The following MAP6 variants were observed in gnomAD, a reference collection of about 807,000 sequenced individuals.
MAP6 encodes microtubule associated protein 6, also known as microtubule-associated protein 6.
MAP6 carries 26 observed loss-of-function variants against 42.4 expected under a neutral mutation model. The ratio of observed to expected loss-of-function variants is 0.61; its 90% CI spans 0.45 to 0.85. The LOEUF is 0.85. Among genes scored for constraint, MAP6 ranks in the 40% least tolerant of loss-of-function variants. The pLI is 0.00. For missense variants in MAP6, 966 were observed against 1,099.0 expected, an observed-to-expected ratio of 0.88 and a Z score of 1.71; for synonymous variants, 418 against 443.8, an observed-to-expected ratio of 0.94 and a Z score of 0.73.
At position 75,588,043 on chromosome 11, in the gene MAP6, A is replaced by G; in HGVS notation, c.1458T>C (p.Gly486=). Residue 486 remains glycine (G), a synonymous_variant, in exon 4 of 4, where the codon GGT becomes GGC. Coordinates refer to ENST00000304771, the MANE Select transcript of MAP6 (RefSeq NM_033063.2). ...PMVQEPLKKQ[G]SVVPGPPKDL... ...CCTTTGGAGGCCCTGGGACCACAGA[A>G]CCTTGCTTCTTCAGAGGCTCTTGCA... 1 of 1,613,954 alleles carries G rather than the reference A, an allele frequency of 6.2e-7. No homozygotes were observed. The highest frequency in any genetic ancestry group is 8.5e-7 in the Non-Finnish European group (1 of 1,179,998).
intron 1 of MAP6, among the ~76,000 whole-genome samples, chr11:75,634,430 C>T (rs1421048035): frequency 1.3e-5 from 2 of 152,184 alleles, no homozygotes; most frequent in African/African-American, 4.8e-5. Flanking sequence ...GCATGTGCCA[C>T]CACATCCAGC....
chr11:75,668,670 GC>G lies in MAP6; in HGVS notation c.-302del. The G allele has an allele frequency of 4.1e-6, 1 of 242,664 alleles. No homozygotes were observed. Among genetic ancestry groups the G allele is most frequent in the Non-Finnish European group, 7.9e-6 (1 of 127,112 alleles). 15.0% of individuals were successfully genotyped at this position (242,664 alleles called of 1,614,324 possible). On this transcript the variant is annotated 5_prime_UTR_variant, in exon 1 of 4. Coordinates refer to ENST00000304771, the MANE Select transcript of MAP6 (RefSeq NM_033063.2). The stretch of plus-strand genomic sequence containing the variant: ...TCCCCGGCGAGGGTGTCTGGGACGC[GC>G]CCCTCCCTGCGGCTGCGGCGGCGCA...
intron 1 of MAP6, among the ~76,000 whole-genome samples, chr11:75,618,750 C>A (rs1055451400): frequency 6.6e-6 from 1 of 152,228 alleles, no homozygotes; most frequent in African/African-American, 2.4e-5. Context: ...CTGGTCCCTG[C>A]CCTGGCCAGA....
intron 1 of MAP6, among the ~76,000 whole-genome samples, chr11:75,627,068 A>C (rs1943209968): frequency 6.6e-6 from 1 of 152,252 alleles, no homozygotes; most frequent in East Asian, 1.9e-4. Flanking sequence ...TTTTTGGAGC[A>C]GAGCCAAACT....
Position 75,668,856 on chromosome 11 carries a change from GA to G in MAP6, c.-488del, listed in dbSNP as rs1944011226. On this transcript the variant is annotated 5_prime_UTR_variant, in exon 1 of 4. An upstream open reading frame in the 5' UTR loses its in-frame stop. Transcript: ENST00000304771. ...GCAGCCGGCCACCTAGCAGGGCTGGGAGGCCATCACCTCCAGCGGAGACCGA... is the reference window on the plus strand; with the variant it reads ...GCAGCCGGCCACCTAGCAGGGCTGGGGGCCATCACCTCCAGCGGAGACCGA... 6.2e-6 allele frequency: 1 copy of G among 160,200 alleles called. No individual in the cohort carries two copies. Among genetic ancestry groups the G allele is most frequent in the African/African-American group, 2.4e-5 (1 of 41,486 alleles). 9.9% of individuals were successfully genotyped at this position (160,200 alleles called of 1,614,324 possible). A position where few individuals can be genotyped will look rare whatever the true frequency, so the allele number is the denominator to read the frequency against.
In MAP6 at chr11:75,612,312, C is replaced by A. The variant is rs574540735; in HGVS notation, c.906-3990G>T. Among the ~76,000 whole-genome samples, 8 of 152,308 alleles carry A rather than the reference C, an allele frequency of 5.3e-5. No individual in the cohort carries two copies. In the East Asian group the frequency reaches 1.5e-3, roughly 29 times the overall value. ...CAATAGCCAAGGGCATGGAATGTAC[C>A]CCACAGGGATGTGTAAGCCATGGAT... On this transcript the variant is annotated intron_variant, in intron 1 of 3. Coordinates refer to ENST00000304771, the MANE Select transcript of MAP6 (RefSeq NM_033063.2).
chr11:75,626,927 T>C (rs1943208147), intron 1 of MAP6, among the ~76,000 whole-genome samples: 1 of 151,914 alleles, frequency 6.6e-6, no homozygotes, highest in Non-Finnish European at 1.5e-5. Flanking sequence ...CAGAGGGAGG[T>C]GAGGAGGCCC....
intron 3 of MAP6, chr11:75,596,329 C>G (rs1047037715): frequency 5.9e-5 from 9 of 152,244 alleles, no homozygotes; most frequent in Admixed American, 5.9e-4. Context: ...GTGGAATATA[C>G]AGATATAGAG....
intron 3 of MAP6, among the ~76,000 whole-genome samples, chr11:75,600,568 G>C (rs1052017936): frequency 6.6e-6 from 1 of 152,124 alleles, no homozygotes; most frequent in African/African-American, 2.4e-5. Flanking sequence ...TGTCTTTCCT[G>C]TTCCAGTGGC....
At chr11:75,666,437 G>T (rs1298991585) in intron 1 of MAP6, among the ~76,000 whole-genome samples, 1 of 152,232 alleles carries the variant, frequency 6.6e-6, no homozygotes, top group African/African-American at 2.4e-5. Context: ...GCAAGGAATT[G>T]AGTGTGCTGG....
intron 1 of MAP6, among the ~76,000 whole-genome samples, chr11:75,651,694 C>A (rs1465570129): frequency 6.6e-6 from 1 of 152,192 alleles, no homozygotes; most frequent in Non-Finnish European, 1.5e-5. Flanking sequence ...GAGACTCTTA[C>A]ATGTACATCA....
chr11:75,604,794 A>G (rs1303084217), intron 3 of MAP6: 2 of 985,492 alleles, frequency 2.0e-6, no homozygotes, highest in East Asian at 2.3e-4. Flanking sequence ...TCTGCAGCTA[A>G]GTCACAGACA....
At chr11:75,635,057 G>C (rs1181359421) in intron 1 of MAP6, among the ~76,000 whole-genome samples, 2 of 152,192 alleles carry the variant, frequency 1.3e-5, no homozygotes, top group African/African-American at 2.4e-5. Context: ...GAAAGTCGGT[G>C]AACCGAAAGT....
chr11:75,652,520 G>C (rs1459361231), intron 1 of MAP6, among the ~76,000 whole-genome samples: 1 of 152,112 alleles, frequency 6.6e-6, no homozygotes, highest in Non-Finnish European at 1.5e-5. Context: ...AGTTAGAATT[G>C]ATAAGTTCCT....
chr11:75,595,583 T>C (rs1004620251), intron 3 of MAP6, among the ~76,000 whole-genome samples: 1 of 152,176 alleles, frequency 6.6e-6, no homozygotes, highest in Admixed American at 6.5e-5. Context: ...CCCAAGCAGC[T>C]CTAGCTTTAT....
intron 1 of MAP6, among the ~76,000 whole-genome samples, chr11:75,624,065 C>T (rs1197441659): frequency 2.0e-5 from 3 of 152,224 alleles, no homozygotes; most frequent in East Asian, 1.9e-4. Flanking sequence ...CCAGGCCCAA[C>T]TAACCTTCTC....
intron 1 of MAP6, among the ~76,000 whole-genome samples, chr11:75,627,184 T>C (rs1943212269): frequency 6.6e-6 from 1 of 152,184 alleles, no homozygotes; most frequent in East Asian, 1.9e-4. Context: ...ACACAGACAC[T>C]CCGCACCTGA....
intron 1 of MAP6, among the ~76,000 whole-genome samples, chr11:75,623,408 AGGGG>A (rs1943143992): frequency 6.6e-6 from 1 of 152,206 alleles, no homozygotes; most frequent in African/African-American, 2.4e-5. Context: ...TACACTTAAA[AGGGG>A]TGCATTTTAT....
chr11:75,587,376 C>T lies in MAP6; in HGVS notation c.2125G>A (p.Val709Ile). The T allele has an allele frequency of 5.0e-6, 8 of 1,614,078 alleles. No homozygotes were observed. Among genetic ancestry groups the T allele is most frequent in the Non-Finnish European group, 6.8e-6 (8 of 1,180,008 alleles). ...TCTTGATTCTTCACGGACTCGGGGA[C>T]CACAGGACCTTGATTCTTTACAGGT... is the stretch of plus-strand genomic sequence containing the variant. ...VAPVKNQGPV[V>I]PESVKNQDPI... is the part of the protein sequence containing the mutation. Residue 709 changes from valine to isoleucine, a missense_variant, in exon 4 of 4, where the codon GTC becomes ATC. By Grantham distance (29) the Val-to-Ile change is conservative (BLOSUM62 3). This residue lies in a region of MAP6 where 943 missense variants were observed against 1,049.9 expected (regional missense o/e 0.90). Transcript: ENST00000304771.
Sources: gnomAD v4.1 joint callset for allele counts (sites outside exome capture counted in the v4.1 genomes callset) on GRCh38, gnomAD v4.1.1 for gene constraint, gnomAD v4.1.1 regional missense constraint, MANE v1.5 for transcripts, NCBI Gene and HGNC (gene_info 2026-07-23, HGNC 2026-07-21) for gene names.